ENOX1: variants seen among roughly 807,000 people sequenced by gnomAD.
ENOX1 encodes the protein ecto-NOX disulfide-thiol exchanger 1.
Under a neutral mutation model 82.5 loss-of-function variants are expected in ENOX1, and 42 were observed. The ratio of observed to expected loss-of-function variants is 0.51; its 90% CI spans 0.40 to 0.66. The LOEUF is 0.66. ENOX1 is among the 30% of genes least tolerant of loss of function. The pLI is 0.00. For missense variants in ENOX1, 608 were observed against 811.6 expected, an observed-to-expected ratio of 0.75 and a Z score of 3.05; for synonymous variants, 271 against 282.2, an observed-to-expected ratio of 0.96 and a Z score of 0.40.
chr13:43,713,064 C>A (rs1594525123), intron 1 of ENOX1, among the ~76,000 whole-genome samples: 1 of 152,130 alleles, frequency 6.6e-6, no homozygotes, highest in East Asian at 1.9e-4. Context: ...ATAGATAGCT[C>A]TTATTATTTT....
chr13:43,752,921 G>A (rs533648161), intron 1 of ENOX1, among the ~76,000 whole-genome samples: 1 of 151,748 alleles, frequency 6.6e-6, no homozygotes, highest in South Asian at 2.1e-4. Flanking sequence ...GTGCAGTGGT[G>A]CTATCTCGGC....
chr13:43,338,889 G>A (rs1457689777), intron 9 of ENOX1, among the ~76,000 whole-genome samples: 2 of 152,046 alleles, frequency 1.3e-5, no homozygotes, highest in East Asian at 3.9e-4. Context: ...GTTTCACCGT[G>A]TTAGCCAGGA....
chr13:43,312,645 T>C (rs1036195861), intron 11 of ENOX1, among the ~76,000 whole-genome samples: 6 of 152,208 alleles, frequency 3.9e-5, no homozygotes, highest in Non-Finnish European at 8.8e-5. Flanking sequence ...GCACTTCACC[T>C]CTTCAAAGCA....
intron 14 of ENOX1, among the ~76,000 whole-genome samples, chr13:43,246,555 G>C (rs527252128): frequency 6.6e-6 from 1 of 152,370 alleles, no homozygotes; most frequent in East Asian, 1.9e-4. Context: ...TGCTGTTTGC[G>C]GGTGACGGAC....
intron 5 of ENOX1, among the ~76,000 whole-genome samples, chr13:43,401,668 T>C: frequency 6.6e-6 from 1 of 152,284 alleles, no homozygotes; most frequent in African/African-American, 2.4e-5. Context: ...AAGCCACAGA[T>C]GGAACCTTTC....
chr13:43,494,472 A>G (rs2076726706), intron 2 of ENOX1, among the ~76,000 whole-genome samples: 1 of 152,234 alleles, frequency 6.6e-6, no homozygotes, highest in African/African-American at 2.4e-5. Flanking sequence ...GTGTCTTCAT[A>G]TAACCTAAGA....
chr13:43,415,976 A>G (rs1255218757), intron 3 of ENOX1, among the ~76,000 whole-genome samples: 309 of 14,004 alleles, frequency 0.022, no homozygotes, highest in South Asian at 0.024. Flanking sequence ...CACCCCAGAC[A>G]GGGCGGCCAG....
rs542699917 is a variant in ENOX1, at chr13:43,417,919, A to G, written c.-74-4931T>C. Among the ~76,000 whole-genome samples the G allele has an allele frequency of 5.6e-4, 85 of 152,192 alleles. 2 individuals carry two copies. Among genetic ancestry groups the G allele is most frequent in the Non-Finnish European group, 1.6e-4 (11 of 68,036 alleles). ...TTCCACCATTCCTTTATAAAATTAT[A>G]TGAGGTAGGCCAGGTGCGGTGACTC... On this transcript the variant is annotated intron_variant, in intron 3 of 16. Coordinates refer to ENST00000690772, the MANE Select transcript of ENOX1 (RefSeq NM_001347969.2).
intron 2 of ENOX1, among the ~76,000 whole-genome samples, chr13:43,649,987 C>T (rs1290783983): frequency 2.6e-5 from 4 of 152,184 alleles, no homozygotes; most frequent in African/African-American, 9.7e-5. Flanking sequence ...TTGAACTTTT[C>T]CTCTGCTCCA....
At chr13:43,284,852 A>C (rs1047567410) in intron 12 of ENOX1, among the ~76,000 whole-genome samples, 2 of 151,952 alleles carry the variant, frequency 1.3e-5, no homozygotes, top group South Asian at 2.1e-4. Context: ...ACAGAGACAC[A>C]GAGAAGAAAC....
At chr13:43,365,738 A>G (rs1267907300) in intron 5 of ENOX1, among the ~76,000 whole-genome samples, 4 of 152,250 alleles carry the variant, frequency 2.6e-5, no homozygotes, top group African/African-American at 7.2e-5. Context: ...CTCAGTTATC[A>G]GATACGGAGC....
At chr13:43,513,777 G>A (rs4245322) in intron 2 of ENOX1, among the ~76,000 whole-genome samples, 1 of 151,866 alleles carries the variant, frequency 6.6e-6, no homozygotes, top group African/African-American at 2.4e-5. Flanking sequence ...CAATAAAAAA[G>A]GAGAAAAATC....
intron 1 of ENOX1, among the ~76,000 whole-genome samples, chr13:43,769,369 T>C (rs567450904): frequency 6.6e-6 from 1 of 152,124 alleles, no homozygotes; most frequent in Non-Finnish European, 1.5e-5. Flanking sequence ...CTCAAAAGGA[T>C]GACCAAGGCA....
At chr13:43,384,370 C>T (rs1198876468) in intron 5 of ENOX1, among the ~76,000 whole-genome samples, 4 of 152,096 alleles carry the variant, frequency 2.6e-5, no homozygotes, top group African/African-American at 9.7e-5. Context: ...CCATACAAGA[C>T]CAGCCTATTA....
At chr13:43,531,208 G>T (rs929610450) in intron 2 of ENOX1, among the ~76,000 whole-genome samples, 1 of 151,586 alleles carries the variant, frequency 6.6e-6, no homozygotes, top group Admixed American at 6.6e-5. Context: ...AATCTACAAT[G>T]AACTCAAACA....
chr13:43,307,732 G>A (rs191092154), intron 11 of ENOX1, among the ~76,000 whole-genome samples: 1 of 152,318 alleles, frequency 6.6e-6, no homozygotes, highest in East Asian at 1.9e-4. Flanking sequence ...GTGACTGAAT[G>A]CTTGCGTAAA....
chr13:43,630,295 G>A (rs539659975), intron 2 of ENOX1, among the ~76,000 whole-genome samples: 40 of 152,168 alleles, frequency 2.6e-4, no homozygotes, highest in Non-Finnish European at 5.1e-4. Context: ...ATCCACTTTC[G>A]CTGTTTAGTC....
intron 12 of ENOX1, among the ~76,000 whole-genome samples, chr13:43,286,719 AG>A (rs1028973054): frequency 6.6e-5 from 10 of 152,204 alleles, no homozygotes; most frequent in Non-Finnish European, 1.5e-4. Context: ...AAATTTTATT[AG>A]GGCTTCTCTT....
intron 2 of ENOX1, among the ~76,000 whole-genome samples, chr13:43,594,404 G>A (rs772959615): frequency 6.6e-6 from 1 of 152,156 alleles, no homozygotes. Context: ...ATAAAAGAAC[G>A]TGTTTGAAAA....
Sources: allele counts gnomAD v4.1 joint callset (sites outside exome capture counted in the v4.1 genomes callset), GRCh38; gene constraint gnomAD v4.1.1; transcripts MANE v1.5; gene names NCBI Gene and HGNC (gene_info 2026-07-23, HGNC 2026-07-21).